NR3C1: variants seen among roughly 807,000 people sequenced by gnomAD.
NR3C1 encodes the protein glucocorticoid receptor.
In NR3C1, 14 loss-of-function variants were observed where a neutral mutation model predicts 74.0. The observed-to-expected ratio is 0.19, with a 90% confidence interval of 0.12 to 0.30. The LOEUF is 0.30. NR3C1 is among the 10% of genes least tolerant of loss of function. The probability of loss-of-function intolerance (pLI) is 1.00; values close to 1 mark genes in which losing one functional copy is unlikely to be tolerated. For missense variants in NR3C1, 695 were observed against 909.8 expected (o/e 0.76, Z 3.04); for synonymous variants, 308 against 332.5 (o/e 0.93, Z 0.80).
intron 2 of NR3C1, among the ~76,000 whole-genome samples, chr5:143,339,189 T>C (rs1160528992): frequency 6.6e-6 from 1 of 152,230 alleles, no homozygotes; most frequent in African/African-American, 2.4e-5. Flanking sequence ...AAGCAATACA[T>C]GACTGCATAT....
chr5:143,370,038 G>A (rs1321185457), intron 2 of NR3C1, among the ~76,000 whole-genome samples: 1 of 152,142 alleles, frequency 6.6e-6, no homozygotes, highest in Non-Finnish European at 1.5e-5. Context: ...AGAATTCATA[G>A]AAGAGCAGAT....
chr5:143,334,972 TAGCATAA>T (rs1347547604), intron 2 of NR3C1, among the ~76,000 whole-genome samples: 1 of 152,202 alleles, frequency 6.6e-6, no homozygotes, highest in Non-Finnish European at 1.5e-5. Context: ...TTCTGAAATG[TAGCATAA>T]AGCCAAAACC....
intron 2 of NR3C1, among the ~76,000 whole-genome samples, chr5:143,343,136 G>A (rs1033688958): frequency 6.6e-6 from 1 of 152,174 alleles, no homozygotes; most frequent in Non-Finnish European, 1.5e-5. Flanking sequence ...AAAGTGACAA[G>A]CACAATGGTC....
intron 4 of NR3C1, among the ~76,000 whole-genome samples, chr5:143,306,043 T>C (rs1819530318): frequency 6.6e-6 from 1 of 152,220 alleles, no homozygotes; most frequent in Non-Finnish European, 1.5e-5. Flanking sequence ...TTGATTACAA[T>C]ATATCTTAAA....
intron 2 of NR3C1, among the ~76,000 whole-genome samples, chr5:143,361,242 T>C (rs1053778687): frequency 2.0e-5 from 3 of 152,204 alleles, no homozygotes; most frequent in African/African-American, 7.2e-5. Flanking sequence ...TTAACTTCAT[T>C]AGATTGAAAC....
chr5:143,390,289 C>G (rs995659871), intron 2 of NR3C1, among the ~76,000 whole-genome samples: 1 of 152,038 alleles, frequency 6.6e-6, no homozygotes, highest in African/African-American at 2.4e-5. Flanking sequence ...TATATTGTAG[C>G]TATAACTCAA....
intron 1 of NR3C1, among the ~76,000 whole-genome samples, chr5:143,425,778 T>A (rs1244750316): frequency 6.6e-6 from 1 of 152,144 alleles, no homozygotes; most frequent in East Asian, 1.9e-4. Flanking sequence ...GCCAGCGAAA[T>A]TATAAAATGG....
intron 7 of NR3C1, chr5:143,294,913 A>G (rs1599732511): frequency 1.0e-6 from 1 of 984,862 alleles, no homozygotes; most frequent in South Asian, 4.7e-5. Context: ...TTTGCTAGCT[A>G]AAAAGTAATC....
intron 7 of NR3C1, chr5:143,294,805 C>T (rs1816801019): frequency 3.6e-6 from 2 of 561,266 alleles, no homozygotes; most frequent in Non-Finnish European, 2.3e-6. Flanking sequence ...CATGTGTTTT[C>T]ATGGCTTGAC....
chr5:143,289,408 C>T (rs1327518341), intron 7 of NR3C1, among the ~76,000 whole-genome samples: 1 of 152,134 alleles, frequency 6.6e-6, no homozygotes, highest in East Asian at 1.9e-4. Context: ...AGAAAATGAA[C>T]CTTGTCCCTT....
At position 143,400,509 on chromosome 5, in the gene NR3C1, T is replaced by C. The variant is rs941700497; in HGVS notation, c.331A>G (p.Ser111Gly). 1.2e-6 allele frequency: 2 copies of C among 1,614,130 alleles called. No homozygotes were observed. Among genetic ancestry groups the C allele is most frequent in the African/African-American group, 2.7e-5 (2 of 74,946 alleles). The change falls in exon 2 of 9, where the codon AGC (serine) becomes GGC (glycine). Residue 111 changes from serine to glycine, a missense_variant. Around this residue, in one of 4 missense-constraint regions of NR3C1, gnomAD observed 497 missense variants for 489.5 expected, o/e 1.02. Transcript: ENST00000394464. ...DLGFPQQGQISLSSGETDLKL... is the reference protein window; with the variant it reads ...DLGFPQQGQIGLSSGETDLKL... The stretch of plus-strand genomic sequence containing the variant: ...AAGTCTGTTTCCCCCGAGGAAAGGC[T>C]GATTTGGCCCTGCTGTGGGAATCCC...
At chr5:143,288,027 A>ATTGCTCT (rs1409455878) in intron 7 of NR3C1, among the ~76,000 whole-genome samples, 1 of 152,060 alleles carries the variant, frequency 6.6e-6, no homozygotes. Context: ...TACTCTGCTC[A>ATTGCTCT]GTAGTATTTT....
chr5:143,350,430 A>G (rs772037161), intron 2 of NR3C1, among the ~76,000 whole-genome samples: 1 of 152,156 alleles, frequency 6.6e-6, no homozygotes, highest in Non-Finnish European at 1.5e-5. Context: ...GTTAGGGATT[A>G]TGTCCAGATT....
intron 2 of NR3C1, among the ~76,000 whole-genome samples, chr5:143,362,930 T>C (rs1832546250): frequency 6.6e-6 from 1 of 152,164 alleles, no homozygotes; most frequent in South Asian, 2.1e-4. Context: ...AACATACTCC[T>C]GGAAATCTAG....
chr5:143,380,103 T>C lies in NR3C1; in HGVS notation c.1184+19553A>G, dbSNP rs13171962. On this transcript the variant is annotated intron_variant, in intron 2 of 8. Coordinates refer to ENST00000394464, the MANE Select transcript of NR3C1 (RefSeq NM_000176.3). ...CAAATACTAACAGATACAACAAACA[T>C]AGCTACTTTGAGCAAGCAGAGAAAA... is the stretch of plus-strand genomic sequence containing the variant. Among the ~76,000 whole-genome samples the C allele has an allele frequency of 5.1e-3, 770 of 152,272 alleles. 4 individuals are homozygous for C. Among genetic ancestry groups the C allele is most frequent in the African/African-American group, 0.017 (718 of 41,560 alleles).
intron 2 of NR3C1, among the ~76,000 whole-genome samples, chr5:143,342,935 AAGAC>A (rs1417856678): frequency 6.6e-6 from 1 of 152,192 alleles, no homozygotes; most frequent in African/African-American, 2.4e-5. Context: ...CGAGGAAGAG[AAGAC>A]AGTCATGTGT....
At chr5:143,387,491 A>AT (rs1277250141) in intron 2 of NR3C1, among the ~76,000 whole-genome samples, 1 of 151,964 alleles carries the variant, frequency 6.6e-6, no homozygotes. Context: ...ACATTTTAAG[A>AT]TTGTTGTCTC....
chr5:143,405,089 CT>C, upstream of NR3C1: 1 of 983,392 alleles, frequency 1.0e-6, no homozygotes, highest in Non-Finnish European at 1.2e-6. Flanking sequence ...CCCGCCCCAG[CT>C]CCCTTCCCCA....
upstream of NR3C1, chr5:143,404,562 A>G (rs3806854): frequency 0.16 from 149,656 of 956,486 alleles, 11,975 homozygotes; most frequent in African/African-American, 0.18. Flanking sequence ...CGGCGGCGGC[A>G]GAAGGAGGCG....
Sources: gnomAD v4.1 joint callset for allele counts (sites outside exome capture counted in the v4.1 genomes callset) on GRCh38, gnomAD v4.1.1 for gene constraint, gnomAD v4.1.1 regional missense constraint, MANE v1.5 for transcripts, NCBI Gene and HGNC (gene_info 2026-07-23, HGNC 2026-07-21) for gene names.